Variants in RNF19B observed in about 807,000 individuals in gnomAD.
RNF19B encodes ring finger protein 19B, also known as E3 ubiquitin-protein ligase RNF19B.
In RNF19B, 23 loss-of-function variants were observed where a neutral mutation model predicts 65.5. That is an observed-to-expected ratio of 0.35 (90% CI 0.25 to 0.50). RNF19B has a LOEUF of 0.50. Among genes scored for constraint, RNF19B ranks in the 20% least tolerant of loss-of-function variants. The probability of loss-of-function intolerance (pLI) is 0.98; values close to 1 mark genes in which losing one functional copy is unlikely to be tolerated. For missense variants in RNF19B, 794 were observed against 980.0 expected, an observed-to-expected ratio of 0.81 and a Z score of 2.53; for synonymous variants, 372 against 379.6, an observed-to-expected ratio of 0.98 and a Z score of 0.23.
intron 1 of RNF19B, among the ~76,000 whole-genome samples, chr1:32,961,792 G>C (rs1642776341): frequency 2.0e-5 from 3 of 151,964 alleles, no homozygotes; most frequent in Admixed American, 2.0e-4. Flanking sequence ...TTGTCACCAA[G>C]CTTGAAAATT....
chr1:32,954,864 A>G (rs1480950325), intron 1 of RNF19B, among the ~76,000 whole-genome samples: 1 of 152,016 alleles, frequency 6.6e-6, no homozygotes, highest in Admixed American at 6.6e-5. Flanking sequence ...GTCCTCAAAG[A>G]TATATGGCGT....
At chr1:32,955,027 T>G (rs557845295) in intron 1 of RNF19B, among the ~76,000 whole-genome samples, 8 of 152,138 alleles carry the variant, frequency 5.3e-5, no homozygotes, top group Non-Finnish European at 1.0e-4. Flanking sequence ...TTAACCTCTC[T>G]AGGCAGCTCG....
chr1:32,940,945 T>G (rs1642216477), intron 7 of RNF19B, among the ~76,000 whole-genome samples: 2 of 152,184 alleles, frequency 1.3e-5, no homozygotes, highest in Admixed American at 6.5e-5. Flanking sequence ...CTAAACCAGC[T>G]GGGGGCAATG....
intron 7 of RNF19B, among the ~76,000 whole-genome samples, chr1:32,939,869 ATGTC>A (rs1205322085): frequency 1.3e-5 from 2 of 152,216 alleles, no homozygotes; most frequent in Non-Finnish European, 2.9e-5. Flanking sequence ...GTCTCCAATT[ATGTC>A]TGTCTGCTTA....
chr1:32,963,809 T>C (rs1936975410), intron 1 of RNF19B, among the ~76,000 whole-genome samples: 1 of 151,624 alleles, frequency 6.6e-6, no homozygotes. Flanking sequence ...CCCTGTCTCC[T>C]AACTTGGACA....
chr1:32,960,765 G>C (rs1056391475), intron 1 of RNF19B, among the ~76,000 whole-genome samples: 1 of 152,124 alleles, frequency 6.6e-6, no homozygotes, highest in African/African-American at 2.4e-5. Context: ...GGGAGGCCAA[G>C]GCGGGAAAAC....
chr1:32,960,407 G>A (rs1056675935), intron 1 of RNF19B, among the ~76,000 whole-genome samples: 1 of 152,062 alleles, frequency 6.6e-6, no homozygotes, highest in African/African-American at 2.4e-5. Context: ...ACTGGGACTT[G>A]GACTTCTCTT....
intron 8 of RNF19B, among the ~76,000 whole-genome samples, chr1:32,937,839 C>T (rs904177871): frequency 1.3e-5 from 2 of 152,200 alleles, no homozygotes; most frequent in African/African-American, 2.4e-5. Context: ...TTTAAACATA[C>T]AGAAAGAGCT....
chr1:32,953,270 G>C (rs1642554561), intron 1 of RNF19B, among the ~76,000 whole-genome samples: 1 of 151,824 alleles, frequency 6.6e-6, no homozygotes, highest in East Asian at 1.9e-4. Context: ...CACCAAGCTT[G>C]GTCTATGACA....
At chr1:32,945,754 A>G (rs1642351844) in intron 4 of RNF19B, 126 bp from the exon 5 acceptor site, 1 of 526,432 alleles carries the variant, frequency 1.9e-6, no homozygotes, top group Admixed American at 3.3e-5. Flanking sequence ...TACCCCAAAT[A>G]GGCATCTTTA....
intron 1 of RNF19B, among the ~76,000 whole-genome samples, chr1:32,956,810 A>C (rs1642649615): frequency 6.6e-6 from 1 of 152,150 alleles, no homozygotes; most frequent in Non-Finnish European, 1.5e-5. Flanking sequence ...ATGTGTTCCT[A>C]TATTATGTCT....
intron 7 of RNF19B, 90 bp from the exon 8 acceptor site, chr1:32,938,618 T>G: frequency 4.4e-5 from 59 of 1,346,318 alleles, no homozygotes; most frequent in Middle Eastern, 2.0e-4. Flanking sequence ...CATTACTCTC[T>G]TGCAAATTGT....
rs1429345310 is a variant in RNF19B at position 32,948,474 on chromosome 1, T to C, written c.842-111A>G. ...GAAATGAGGCAGCAGTCAAGAACTC[T>C]TCACTGAACACTCCAAATTGTACAA... is the stretch of plus-strand genomic sequence containing the variant. On this transcript the variant is annotated intron_variant, in intron 2 of 8. Transcript: ENST00000235150. The C allele has an allele frequency of 1.2e-5, 14 of 1,122,454 alleles. 1 individual carries two copies. In the Admixed American group the frequency reaches 3.3e-4, roughly 27 times the overall value. The allele number at this position is 1,122,454 out of a possible 1,614,324, so 69.5% of individuals were successfully genotyped here. A position where few individuals can be genotyped will look rare whatever the true frequency, so the allele number is the denominator to read the frequency against.
chr1:32,963,871 G>C (rs966541609), intron 1 of RNF19B, among the ~76,000 whole-genome samples, 180 bp downstream of exon 1: 2 of 152,236 alleles, frequency 1.3e-5, no homozygotes, highest in African/African-American at 4.8e-5. Flanking sequence ...CCTGGGGCAG[G>C]GGGCGGGGTG....
chr1:32,953,869 A>AC (rs1642568810), intron 1 of RNF19B, among the ~76,000 whole-genome samples: 1 of 151,392 alleles, frequency 6.6e-6, no homozygotes, highest in East Asian at 1.9e-4. Flanking sequence ...GGCAGAAGTA[A>AC]ATGTTTATTA....
At chr1:32,960,834 A>AAAT (rs565761687) in intron 1 of RNF19B, among the ~76,000 whole-genome samples, 3 of 151,818 alleles carry the variant, frequency 2.0e-5, no homozygotes, top group Admixed American at 6.6e-5. Context: ...CTATCTCTAC[A>AAAT]AATAATAATA....
intron 1 of RNF19B, among the ~76,000 whole-genome samples, chr1:32,949,987 C>CAG: frequency 6.6e-6 from 1 of 151,338 alleles, no homozygotes; most frequent in East Asian, 1.9e-4. Flanking sequence ...TTTTTTGAGA[C>CAG]AGTCTTGCTC....
At position 32,936,940 on chromosome 1, in the gene RNF19B, G is replaced by C. The variant is rs367642616; in HGVS notation, c.2062C>G (p.Arg688Gly). Reference protein sequence around the residue: ...DITSDECGSPRSHTAACPSTP... With the variant: ...DITSDECGSPGSHTAACPSTP... The stretch of plus-strand genomic sequence containing the variant: ...GAGGGGCAGGCTGCAGTATGGGAGC[G>C]GGGGGAGCCACACTCATCTGAGGTG... The change falls in exon 9 of 9, where the codon CGC becomes GGC. Residue 688 changes from arginine (R) to glycine (G), a missense_variant. Arg to Gly is a moderately radical substitution (Grantham distance 125). Transcript: ENST00000235150. 8.1e-6 allele frequency: 13 copies of C among 1,613,904 alleles called. No individual in the cohort carries two copies. Among genetic ancestry groups the C allele is most frequent in the East Asian group, 2.2e-5 (1 of 44,882 alleles).
At chr1:32,948,196 AG>A in intron 3 of RNF19B, 25 bp downstream of exon 3, 1 of 1,610,922 alleles carries the variant, frequency 6.2e-7, no homozygotes. Context: ...AGACTACGAA[AG>A]GAATGGATGC....
Sources: gnomAD v4.1 joint callset for allele counts (sites outside exome capture counted in the v4.1 genomes callset) on GRCh38, gnomAD v4.1.1 for gene constraint, MANE v1.5 for transcripts, NCBI Gene and HGNC (gene_info 2026-07-23, HGNC 2026-07-21) for gene names.